Variants in VWA3B observed in about 807,000 individuals in gnomAD.
VWA3B encodes von Willebrand factor A domain-containing protein 3B.
Under a neutral mutation model 158.3 loss-of-function variants are expected in VWA3B, and 138 were observed. The ratio of observed to expected loss-of-function variants is 0.87; its 90% CI spans 0.76 to 1.00. The LOEUF (loss-of-function observed/expected upper bound fraction) is 1.00. Among genes scored for constraint, VWA3B ranks in the 50% least tolerant of loss-of-function variants. VWA3B has a pLI of 0.00. For synonymous variants in VWA3B, 596 were observed against 587.3 expected (o/e 1.01, Z -0.21); for missense variants, 1,555 against 1,565.1 (o/e 0.99, Z 0.11).
intron 22 of VWA3B, among the ~76,000 whole-genome samples, chr2:98,281,725 G>A (rs1025811280): frequency 2.0e-5 from 3 of 151,938 alleles, no homozygotes; most frequent in African/African-American, 4.8e-5. Context: ...TGGGGCCCTC[G>A]TCCATATCAC....
chr2:98,095,813 G>A (rs567480412), intron 2 of VWA3B, among the ~76,000 whole-genome samples: 2 of 152,258 alleles, frequency 1.3e-5, no homozygotes, highest in South Asian at 4.1e-4. Flanking sequence ...AATTTGTTGA[G>A]AGTTTTTATT....
chr2:98,107,642 A>G (rs1673777335), intron 2 of VWA3B, among the ~76,000 whole-genome samples: 1 of 152,056 alleles, frequency 6.6e-6, no homozygotes, highest in Non-Finnish European at 1.5e-5. Context: ...ATTTCATCCA[A>G]GTTGTCTAAT....
chr2:98,114,581 G>A (rs189647830), intron 2 of VWA3B, among the ~76,000 whole-genome samples: 2 of 152,234 alleles, frequency 1.3e-5, no homozygotes, highest in Admixed American at 6.5e-5. Flanking sequence ...TAAGGCAGAG[G>A]GAAGGAAGTA....
At chr2:98,177,078 C>A (rs1573991801) in intron 8 of VWA3B, among the ~76,000 whole-genome samples, 1 of 152,244 alleles carries the variant, frequency 6.6e-6, no homozygotes, top group East Asian at 1.9e-4. Flanking sequence ...GGAGCTGAAC[C>A]TGGAGGGTGG....
In VWA3B at chr2:98,193,128, T is replaced by A. The variant is rs550648517; in HGVS notation, c.1605+92T>A. The A allele has an allele frequency of 1.6e-5, 24 of 1,480,142 alleles. No individual in the cohort carries two copies. In the East Asian group the frequency reaches 4.9e-4, roughly 30 times the overall value. The allele number at this position is 1,480,142 out of a possible 1,614,324, so 91.7% of individuals were successfully genotyped here. On this transcript the variant is annotated intron_variant, in intron 11 of 27. Coordinates refer to ENST00000477737, the MANE Select transcript of VWA3B (RefSeq NM_144992.5). ...GGGGCTTGTTGCTCTAAAAAATTCCTAAGAAAGCCAAATTCAGAGAAGTAC... is the reference window on the plus strand; with the variant it reads ...GGGGCTTGTTGCTCTAAAAAATTCCAAAGAAAGCCAAATTCAGAGAAGTAC...
intron 5 of VWA3B, among the ~76,000 whole-genome samples, chr2:98,123,103 G>A (rs1423233976): frequency 6.6e-6 from 1 of 152,194 alleles, no homozygotes; most frequent in African/African-American, 2.4e-5. Flanking sequence ...GCAGGGGGGA[G>A]TGGGTTCCCA....
chr2:98,185,270 ACCTCCTCTCTGT>A (rs2105373205), intron 9 of VWA3B, among the ~76,000 whole-genome samples: 1 of 151,630 alleles, frequency 6.6e-6, no homozygotes, highest in Admixed American at 6.6e-5. Context: ...TGTTTCTACC[ACCTCCTCTCTGT>A]CCTCTCTATC....
chr2:98,126,682 A>G (rs1000423752), intron 5 of VWA3B, among the ~76,000 whole-genome samples: 9 of 152,328 alleles, frequency 5.9e-5, no homozygotes, highest in Non-Finnish European at 1.3e-4. Flanking sequence ...CAGTTTACTG[A>G]CTTGTATAAA....
intron 22 of VWA3B, among the ~76,000 whole-genome samples, chr2:98,280,754 T>C (rs1022239574): frequency 2.6e-5 from 4 of 152,196 alleles, no homozygotes; most frequent in Middle Eastern, 3.2e-3. Context: ...AAAGCACTCC[T>C]CTACATCCCT....
intron 12 of VWA3B, among the ~76,000 whole-genome samples, chr2:98,201,584 A>G (rs1238156945): frequency 6.6e-6 from 1 of 152,200 alleles, no homozygotes; most frequent in Non-Finnish European, 1.5e-5. Context: ...GAAACATTCA[A>G]TCTTTCACTA....
intron 22 of VWA3B, 58 bp downstream of exon 22, chr2:98,270,941 C>A: frequency 1.3e-6 from 2 of 1,537,582 alleles, no homozygotes; most frequent in South Asian, 2.3e-5. Flanking sequence ...AAGTCATTGC[C>A]ATTCCTACAT....
At chr2:98,144,240 G>A (rs963567279) in intron 7 of VWA3B, among the ~76,000 whole-genome samples, 1 of 152,102 alleles carries the variant, frequency 6.6e-6, no homozygotes, top group Non-Finnish European at 1.5e-5. Flanking sequence ...CTAGCACACA[G>A]TTAACCAATC....
chr2:98,216,987 C>CCCA (rs1684074488), intron 13 of VWA3B: 5 of 1,275,462 alleles, frequency 3.9e-6, no homozygotes, highest in Middle Eastern at 3.1e-4. Context: ...TAAGCACCCG[C>CCCA]CCCGCACCCA....
chr2:98,211,289 C>A (rs1021517732), intron 12 of VWA3B, among the ~76,000 whole-genome samples: 5 of 152,186 alleles, frequency 3.3e-5, no homozygotes. Flanking sequence ...GTTCAAAGTC[C>A]TGTATCTCTA....
intron 10 of VWA3B, among the ~76,000 whole-genome samples, chr2:98,191,918 C>T (rs1324283572): frequency 6.6e-6 from 1 of 152,192 alleles, no homozygotes; most frequent in Admixed American, 6.5e-5. Flanking sequence ...TTTCCATACT[C>T]TTTCCTTACC....
intron 19 of VWA3B, among the ~76,000 whole-genome samples, chr2:98,238,771 G>A (rs938242005): frequency 2.0e-5 from 3 of 152,106 alleles, no homozygotes; most frequent in South Asian, 2.1e-4. Flanking sequence ...GATATCTTAC[G>A]TGTGTGTATC....
intron 13 of VWA3B, among the ~76,000 whole-genome samples, chr2:98,212,485 T>A (rs1410171398): frequency 6.6e-6 from 1 of 152,222 alleles, no homozygotes; most frequent in Non-Finnish European, 1.5e-5. Flanking sequence ...CTTTGTTTTG[T>A]TTAGCCCGAC....
intron 12 of VWA3B, among the ~76,000 whole-genome samples, chr2:98,196,585 C>T (rs1051749075): frequency 6.6e-6 from 1 of 152,092 alleles, no homozygotes; most frequent in Non-Finnish European, 1.5e-5. Flanking sequence ...CAAGCTGTGG[C>T]CGCGCCTGCC....
intron 13 of VWA3B, among the ~76,000 whole-genome samples, chr2:98,213,475 G>A (rs1344444544): frequency 2.6e-5 from 4 of 152,184 alleles, no homozygotes; most frequent in Admixed American, 2.6e-4. Flanking sequence ...ATGGGAGGAG[G>A]GGACTGCCTC....
Sources: gnomAD v4.1 joint callset for allele counts (sites outside exome capture counted in the v4.1 genomes callset) on GRCh38, gnomAD v4.1.1 for gene constraint, MANE v1.5 for transcripts, NCBI Gene and HGNC (gene_info 2026-07-23, HGNC 2026-07-21) for gene names.